SLC9A3: variants seen among roughly 807,000 people sequenced by gnomAD.
SLC9A3 encodes sodium/hydrogen exchanger 3.
In SLC9A3, 37 loss-of-function variants were observed where a neutral mutation model predicts 86.8. The observed-to-expected ratio is 0.43, with a 90% CI of 0.33 to 0.56. The LOEUF (loss-of-function observed/expected upper bound fraction) is 0.56, where lower values mean the gene tolerates loss of function less well. Ranked by LOEUF, SLC9A3 falls within the 20% of genes least tolerant of loss-of-function variation. The pLI, the probability that SLC9A3 is intolerant of heterozygous loss-of-function variation, is 0.06. For synonymous variants in SLC9A3, 581 were observed against 528.3 expected (o/e 1.10, Z -1.37); for missense variants, 1,011 against 1,171.9 (o/e 0.86, Z 2.00).
intron 4 of SLC9A3, 36 bp from the exon 5 acceptor site, chr5:484,733 T>C (rs774279802): frequency 6.2e-7 from 1 of 1,602,678 alleles, no homozygotes; most frequent in South Asian, 1.1e-5. Context: ...CGTGCCGGCC[T>C]TCCGGGCCCT....
At chr5:507,579 G>T (rs1740657603) in intron 1 of SLC9A3, among the ~76,000 whole-genome samples, 1 of 151,582 alleles carries the variant, frequency 6.6e-6, no homozygotes, top group Admixed American at 6.6e-5. Flanking sequence ...GGGATCCAAA[G>T]ACACTGGCAC....
chr5:490,339 C>A (rs73042923), intron 2 of SLC9A3, among the ~76,000 whole-genome samples: 2 of 120,042 alleles, frequency 1.7e-5, no homozygotes, highest in East Asian at 3.9e-4. Flanking sequence ...TGCAGCGTGG[C>A]GAGGGGCAGG....
At position 497,360 on chromosome 5, in the gene SLC9A3, G is replaced by A. The variant is rs1002240549; in HGVS notation, c.212-5289C>T. Among the ~76,000 whole-genome samples, 3 of 152,108 alleles carry A rather than the reference G, an allele frequency of 2.0e-5. No individual in the cohort carries two copies. Among genetic ancestry groups the A allele is most frequent in the African/African-American group, 4.8e-5 (2 of 41,418 alleles). ...CTCGAAACCTGGTTTCTCTGCTCCC[G>A]GGTCTCAAATCCGGGTTCTTCCCTT... On this transcript the variant is annotated intron_variant, in intron 1 of 16. Coordinates refer to ENST00000264938, the MANE Select transcript of SLC9A3 (RefSeq NM_004174.4). The surrounding 1 kb of genome is among the most constrained non-coding windows in gnomAD (Gnocchi z 5.4).
At chr5:507,916 C>T (rs1440979610) in intron 1 of SLC9A3, among the ~76,000 whole-genome samples, 16 of 123,490 alleles carry the variant, frequency 1.3e-4, no homozygotes, top group African/African-American at 3.0e-4. Context: ...GCCCGAATCC[C>T]CACCCCACAG....
intron 10 of SLC9A3, 130 bp downstream of exon 10, chr5:479,706 C>G: frequency 1.1e-6 from 1 of 885,130 alleles, no homozygotes; most frequent in African/African-American, 1.6e-5. Flanking sequence ...ATCAGCCTCC[C>G]GTGAACTGCT....
Position 488,589 on chromosome 5 carries a change from G to A in SLC9A3, c.515-113C>T, listed in dbSNP as rs552880245. 519 of 1,080,690 alleles carry A rather than the reference G, an allele frequency of 4.8e-4. 1 individual carries two copies. The highest frequency in any genetic ancestry group is 6.1e-4 in the Non-Finnish European group (471 of 770,572). 66.9% of individuals were successfully genotyped at this position (1,080,690 alleles called of 1,614,324 possible). A position where few individuals can be genotyped will look rare whatever the true frequency, so the allele number is the denominator to read the frequency against. ...GTTCGGAGCCCGTCTGGCTGGCGCC[G>A]GTGGCGTGGGGAGCTGGGTCAGCTT... On this transcript the variant is annotated intron_variant, in intron 2 of 16. Transcript: ENST00000264938.
chr5:502,972 G>A (rs375763868), intron 1 of SLC9A3, among the ~76,000 whole-genome samples: 2 of 152,238 alleles, frequency 1.3e-5, no homozygotes, highest in African/African-American at 2.4e-5. Flanking sequence ...CACTGAGGCC[G>A]AAAGCCGCTG....
At chr5:477,519 G>T in intron 10 of SLC9A3, 75 bp from the exon 11 acceptor site, 1 of 1,088,628 alleles carries the variant, frequency 9.2e-7, no homozygotes, top group Non-Finnish European at 1.3e-6. Flanking sequence ...GCCCTGGGGG[G>T]AAGCGCCCAG....
In SLC9A3 at chr5:479,922, T is replaced by C; in HGVS notation, c.1561A>G (p.Arg521Gly). ...DRKFLSRVLM[R>G]RSAQKSRDRI... ...TCTCGAGACTTCTGGGCCGACCGTC[T>C]CATGAGGACCCTGCTGAGGAACTTC... The change falls in exon 10 of 17, where the codon AGA (arginine) becomes GGA (glycine). Residue 521 changes from arginine (R) to glycine (G), a missense_variant. Transcript: ENST00000264938. 6.2e-7 allele frequency: 1 copy of C among 1,613,972 alleles called. No individual in the cohort carries two copies. Among genetic ancestry groups the C allele is most frequent in the Non-Finnish European group, 8.5e-7 (1 of 1,179,972 alleles).
chr5:485,074 C>A lies in SLC9A3; in HGVS notation c.754+79G>T, dbSNP rs899323052. On this transcript the variant is annotated intron_variant, in intron 4 of 16. Coordinates refer to ENST00000264938, the MANE Select transcript of SLC9A3 (RefSeq NM_004174.4). ...GCTTTGAGTGCAAAGCTTTTTCCTG[C>A]ATGGGCTGCAGGCCAGAGAAGACAG... 7.4e-6 allele frequency: 8 copies of A among 1,086,636 alleles called. No individual in the cohort carries two copies. In the South Asian group the frequency reaches 8.7e-5, roughly 12 times the overall value. 67.3% of individuals were successfully genotyped at this position (1,086,636 alleles called of 1,614,324 possible).
At position 509,921 on chromosome 5, in the gene SLC9A3, G is replaced by A. The variant is rs183668487; in HGVS notation, c.211+14191C>T. ...TCTCAGAGGGGCCCTGCGGGCAGCC[G>A]GCGTTGTCCCTCCTGCAGTCAGCGC... is the stretch of plus-strand genomic sequence containing the variant. On this transcript the variant is annotated intron_variant, in intron 1 of 16. Transcript: ENST00000264938. 3.3e-5 allele frequency among the ~76,000 whole-genome samples: 5 copies of A among 152,364 alleles called. No individual in the cohort carries two copies. The East Asian group carries it at 5.8e-4, about 18-fold the overall frequency.
Position 485,248 on chromosome 5 carries a change from C to A in SLC9A3, c.676-17G>T. On this transcript the variant is annotated splice_polypyrimidine_tract_variant and intron_variant, in intron 3 of 16. Transcript: ENST00000264938. The stretch of plus-strand genomic sequence containing the variant: ...GTACAGAACCTGCAGGGAAAACGGG[C>A]AGGGCGTTGGGTGGTCCTTGGTTAG... 6 of 1,605,922 alleles carry A rather than the reference C, an allele frequency of 3.7e-6. No homozygotes were observed. Among genetic ancestry groups the A allele is most frequent in the Non-Finnish European group, 4.2e-6 (5 of 1,177,280 alleles).
intron 1 of SLC9A3, among the ~76,000 whole-genome samples, chr5:522,672 G>A (rs1733917058): frequency 6.6e-6 from 1 of 151,006 alleles, no homozygotes; most frequent in African/African-American, 2.4e-5. Flanking sequence ...GCAGGATGTG[G>A]AGGTTGCAGT....
chr5:476,514 TCCTCCAG>T (rs55908484), intron 12 of SLC9A3, 22 bp downstream of exon 12: 693 of 1,606,632 alleles, frequency 4.3e-4, no homozygotes, highest in Middle Eastern at 1.7e-3. Context: ...CCCTGCGGGG[TCCTCCAG>T]CCCCCAGCCC....
chr5:514,082 C>G (rs1360286850), intron 1 of SLC9A3, among the ~76,000 whole-genome samples: 1 of 152,266 alleles, frequency 6.6e-6, no homozygotes, highest in African/African-American at 2.4e-5. Flanking sequence ...CCAGCCCCGG[C>G]TCGGGAGGGC....
At chr5:477,684 G>C (rs1185467756) in intron 10 of SLC9A3, 6 of 490,410 alleles carry the variant, frequency 1.2e-5, no homozygotes, top group Non-Finnish European at 2.2e-5. Context: ...CTGGGCAGAG[G>C]TCATGCTTGT....
intron 1 of SLC9A3, among the ~76,000 whole-genome samples, chr5:508,361 G>A (rs1740712879): frequency 7.7e-6 from 1 of 129,868 alleles, no homozygotes; most frequent in Non-Finnish European, 1.6e-5. Context: ...AGGCCTCAGC[G>A]CGCCCGGGGA....
intron 3 of SLC9A3, among the ~76,000 whole-genome samples, chr5:486,127 C>T (rs1387922226): frequency 5.3e-5 from 8 of 152,156 alleles, no homozygotes; most frequent in African/African-American, 7.2e-5. Flanking sequence ...GAGAGGCTGA[C>T]GGGTTTCAAA....
At chr5:510,761 G>A (rs1202856942) in intron 1 of SLC9A3, among the ~76,000 whole-genome samples, 1 of 152,198 alleles carries the variant, frequency 6.6e-6, no homozygotes, top group Non-Finnish European at 1.5e-5. Context: ...GGGAAGGCGA[G>A]GGAAATGGAG....
Sources: allele counts gnomAD v4.1 joint callset (sites outside exome capture counted in the v4.1 genomes callset), GRCh38; gene constraint gnomAD v4.1.1; non-coding constraint Gnocchi (gnomAD v3.1); transcripts MANE v1.5; gene names NCBI Gene and HGNC (gene_info 2026-07-23, HGNC 2026-07-21).